The following STK32B variants were observed in gnomAD, a reference collection of about 807,000 sequenced individuals.
The protein encoded by STK32B is serine/threonine kinase 32B.
STK32B carries 43 observed loss-of-function variants against 52.6 expected under a neutral mutation model. The ratio of observed to expected loss-of-function variants is 0.82; its 90% CI spans 0.64 to 1.05. The LOEUF is 1.05. Ranked by LOEUF, STK32B falls within the 50% of genes least tolerant of loss-of-function variation. The pLI, the probability that STK32B is intolerant of heterozygous loss-of-function variation, is 0.00. For synonymous variants in STK32B, 238 were observed against 204.3 expected (o/e 1.17, Z -1.41); for missense variants, 621 against 534.6 (o/e 1.16, Z -1.59).
intron 11 of STK32B, among the ~76,000 whole-genome samples, chr4:5,486,919 G>T (rs906299058): frequency 6.6e-6 from 1 of 152,206 alleles, no homozygotes; most frequent in African/African-American, 2.4e-5. Flanking sequence ...GTAAGATGTT[G>T]AGCAGTTAGC....
At chr4:5,165,907 T>C (rs1718834141) in intron 2 of STK32B, among the ~76,000 whole-genome samples, 1 of 152,216 alleles carries the variant, frequency 6.6e-6, no homozygotes, top group African/African-American at 2.4e-5. Flanking sequence ...AGTTGACATT[T>C]ATCGTCCCTC....
intron 4 of STK32B, among the ~76,000 whole-genome samples, chr4:5,336,477 T>C (rs1273458585): frequency 6.6e-6 from 1 of 152,102 alleles, no homozygotes; most frequent in Non-Finnish European, 1.5e-5. Flanking sequence ...AAACAGTGAC[T>C]CTGGAAACAT....
At position 5,421,582 on chromosome 4, in the gene STK32B, C is replaced by T. The variant is rs114863872; in HGVS notation, c.562+4648C>T. Among the ~76,000 whole-genome samples the T allele has an allele frequency of 9.1e-3, 1,381 of 152,310 alleles. 27 individuals are homozygous for T. The highest frequency in any genetic ancestry group is 0.032 in the African/African-American group (1,312 of 41,554). ...TCTCTGCCTGCATGTGGCACCATGC[C>T]TAACAGACTCACTCGAGCCTCCTCA... On this transcript the variant is annotated intron_variant, in intron 6 of 11. Transcript: ENST00000282908.
At chr4:5,391,706 C>A (rs1577435310) in intron 4 of STK32B, among the ~76,000 whole-genome samples, 1 of 152,192 alleles carries the variant, frequency 6.6e-6, no homozygotes, top group Non-Finnish European at 1.5e-5. Context: ...TGGAATCTGG[C>A]CATTGGATCA....
At chr4:5,419,040 T>C (rs757205046) in intron 6 of STK32B, among the ~76,000 whole-genome samples, 25 of 152,158 alleles carry the variant, frequency 1.6e-4, no homozygotes, top group Non-Finnish European at 2.6e-4. Context: ...CTTACAGATA[T>C]AAAAAGAAAT....
chr4:5,057,734 T>C (rs1241166775), intron 1 of STK32B, among the ~76,000 whole-genome samples: 2 of 152,202 alleles, frequency 1.3e-5, no homozygotes, highest in Admixed American at 6.5e-5. Context: ...TAGGCATTTT[T>C]CTGGGAGAAC....
At chr4:5,323,265 G>A (rs867130450) in intron 3 of STK32B, among the ~76,000 whole-genome samples, 10 of 152,058 alleles carry the variant, frequency 6.6e-5, no homozygotes, top group African/African-American at 2.2e-4. Context: ...AATCACCTCC[G>A]AGGCACAGGA....
chr4:5,125,298 T>G (rs191478652), intron 1 of STK32B, among the ~76,000 whole-genome samples: 2 of 152,356 alleles, frequency 1.3e-5, no homozygotes, highest in Admixed American at 1.3e-4. Context: ...AAATGCGTGT[T>G]GCTGAGAGCT....
chr4:5,205,323 A>T (rs1375056096), intron 3 of STK32B, among the ~76,000 whole-genome samples: 1 of 152,158 alleles, frequency 6.6e-6, no homozygotes, highest in Non-Finnish European at 1.5e-5. Context: ...AGGCAGTACA[A>T]TCTCCATAAT....
intron 1 of STK32B, among the ~76,000 whole-genome samples, chr4:5,069,464 T>G (rs1203917447): frequency 6.6e-6 from 1 of 152,166 alleles, no homozygotes; most frequent in Non-Finnish European, 1.5e-5. Flanking sequence ...AGGACCCCTG[T>G]CCAGGTCCAT....
rs1729197690 is a variant in STK32B at position 5,296,367 on chromosome 4, A to G, written c.261-34853A>G. ...GTCTAATATGGAAAGTGAGGTGTTAAAGTCTTCCACTGTTATTGTGTGGGA... is the reference window on the plus strand; with the variant it reads ...GTCTAATATGGAAAGTGAGGTGTTAGAGTCTTCCACTGTTATTGTGTGGGA... On this transcript the variant is annotated intron_variant, in intron 3 of 11. Transcript: ENST00000282908. Among the ~76,000 whole-genome samples the G allele has an allele frequency of 1.3e-5, 2 of 152,124 alleles. 1 individual carries two copies. Among genetic ancestry groups the G allele is most frequent in the South Asian group, 4.1e-4 (2 of 4,820 alleles).
intron 1 of STK32B, among the ~76,000 whole-genome samples, chr4:5,106,481 A>G (rs1714115043): frequency 6.6e-6 from 1 of 152,186 alleles, no homozygotes; most frequent in Admixed American, 6.5e-5. Flanking sequence ...TTTACTATTT[A>G]TACTCAGATC....
intron 3 of STK32B, among the ~76,000 whole-genome samples, chr4:5,279,608 G>A (rs993060469): frequency 6.6e-6 from 1 of 152,216 alleles, no homozygotes; most frequent in South Asian, 2.1e-4. Flanking sequence ...CCACTAGGCA[G>A]TGCCCCAGTG....
intron 1 of STK32B, among the ~76,000 whole-genome samples, chr4:5,101,222 A>C (rs1296164614): frequency 6.6e-6 from 1 of 152,096 alleles, no homozygotes; most frequent in Admixed American, 6.5e-5. Context: ...GATTTTTTTC[A>C]GCCCTCAGAG....
At chr4:5,302,499 G>A (rs1399713475) in intron 3 of STK32B, among the ~76,000 whole-genome samples, 1 of 152,030 alleles carries the variant, frequency 6.6e-6, no homozygotes, top group Admixed American at 6.6e-5. Flanking sequence ...CATATAATGT[G>A]TAGTTTGTAC....
intron 4 of STK32B, among the ~76,000 whole-genome samples, chr4:5,384,816 T>TG (rs1736144876): frequency 6.6e-6 from 1 of 152,086 alleles, no homozygotes; most frequent in Non-Finnish European, 1.5e-5. Context: ...GAAGGGGCTG[T>TG]GACGATTCCA....
At chr4:5,412,513 AG>A (rs1306432058) in intron 5 of STK32B, among the ~76,000 whole-genome samples, 1 of 152,108 alleles carries the variant, frequency 6.6e-6, no homozygotes, top group Non-Finnish European at 1.5e-5. Flanking sequence ...GCAACCCTGA[AG>A]GCCAGGAGGT....
At chr4:5,350,136 T>C (rs1165617451) in intron 4 of STK32B, among the ~76,000 whole-genome samples, 1 of 152,094 alleles carries the variant, frequency 6.6e-6, no homozygotes, top group Non-Finnish European at 1.5e-5. Context: ...CTGGCATAGA[T>C]ACAATTCAAA....
the STK32B span, among the ~76,000 whole-genome samples, chr4:5,022,412 A>T: frequency 1.3e-5 from 2 of 152,124 alleles, no homozygotes; most frequent in Non-Finnish European, 2.9e-5. Flanking sequence ...GAGACGCCGC[A>T]CTGGATACAG....
Sources: gnomAD v4.1 joint callset for allele counts (sites outside exome capture counted in the v4.1 genomes callset) on GRCh38, gnomAD v4.1.1 for gene constraint, MANE v1.5 for transcripts, NCBI Gene and HGNC (gene_info 2026-07-23, HGNC 2026-07-21) for gene names.